GCC2: variants seen among roughly 807,000 people sequenced by gnomAD.
GCC2 encodes the protein GRIP and coiled-coil domain-containing protein 2.
GCC2 carries 120 observed loss-of-function variants against 210.6 expected under a neutral mutation model. That is an observed-to-expected ratio of 0.57 (90% CI 0.49 to 0.66). The LOEUF (loss-of-function observed/expected upper bound fraction) is 0.66. GCC2 is among the 30% of genes least tolerant of loss of function. The probability of loss-of-function intolerance (pLI) is 0.00; values close to 1 mark genes in which losing one functional copy is unlikely to be tolerated. For missense variants in GCC2, 1,868 were observed against 1,871.9 expected, an observed-to-expected ratio of 1.00 and a Z score of 0.04; for synonymous variants, 703 against 652.7, an observed-to-expected ratio of 1.08 and a Z score of -1.17.
chr2:108,482,971 C>T (rs1438986204), intron 11 of GCC2, 91 bp from the exon 12 acceptor site: 9 of 704,696 alleles, frequency 1.3e-5, no homozygotes, highest in African/African-American at 3.6e-5. Context: ...TGAGACACCA[C>T]GCCCGGCCGT....
At position 108,475,765 on chromosome 2, in the gene GCC2, A is replaced by G. The variant is rs369476264; in HGVS notation, c.2975A>G (p.Lys992Arg). Residue 992 changes from lysine to arginine, a missense_variant, in exon 9 of 23, where the codon AAG becomes AGG. Physicochemically the swap from Lys to Arg is conservative, Grantham distance 26. Transcript: ENST00000309863. ...TGTTTAAAACAGACCCAGACTGTGA[A>G]GGAAGAACTTGAATCTCTTCGATCA... is the stretch of plus-strand genomic sequence containing the variant. The part of the protein sequence containing the change: ...DSSRKETQTV[K>R]EELESLRSEK... 6.2e-7 allele frequency: 1 copy of G among 1,602,458 alleles called. No homozygotes were observed. The highest frequency in any genetic ancestry group is 8.5e-7 in the Non-Finnish European group (1 of 1,174,090).
intron 9 of GCC2, among the ~76,000 whole-genome samples, chr2:108,478,880 A>T (rs943525898): frequency 6.6e-6 from 1 of 152,234 alleles, no homozygotes; most frequent in African/African-American, 2.4e-5. Context: ...CCCTAATGAT[A>T]CCTCAACCCT....
chr2:108,463,745 G>T lies in GCC2; in HGVS notation c.217-5235G>T, dbSNP rs528731482. Reference sequence around the variant, plus strand: ...GTTGGGTGGGTTCTTGAGCCCCTGGGCAGTGGATGTAGCATGGGAAATGGC... The same window carrying T: ...GTTGGGTGGGTTCTTGAGCCCCTGGTCAGTGGATGTAGCATGGGAAATGGC... On this transcript the variant is annotated intron_variant, in intron 4 of 22. Coordinates refer to ENST00000309863, the MANE Select transcript of GCC2 (RefSeq NM_181453.4). Among the ~76,000 whole-genome samples, 212 of 152,284 alleles carry T rather than the reference G, an allele frequency of 1.4e-3. 1 individual carries two copies. Among genetic ancestry groups the T allele is most frequent in the African/African-American group, 5.0e-3 (207 of 41,558 alleles).
chr2:108,489,084 A>G (rs1186533851), intron 17 of GCC2, among the ~76,000 whole-genome samples: 1 of 152,220 alleles, frequency 6.6e-6, no homozygotes, highest in Non-Finnish European at 1.5e-5. Flanking sequence ...AGTGTATTGT[A>G]CTCATTGTGG....
chr2:108,470,573 T>C lies in GCC2; in HGVS notation c.1244T>C (p.Phe415Ser). The C allele has an allele frequency of 6.2e-7, 1 of 1,607,390 alleles. No homozygotes were observed. The highest frequency in any genetic ancestry group is 8.5e-7 in the Non-Finnish European group (1 of 1,176,874). Residue 415 changes from phenylalanine (F) to serine (S), a missense_variant, in exon 6 of 23, where the codon TTT (phenylalanine) becomes TCT (serine). Physicochemically the swap from Phe to Ser is radical, Grantham distance 155. Coordinates refer to ENST00000309863, the MANE Select transcript of GCC2 (RefSeq NM_181453.4). ...KSELAGLNKQ[F>S]CYTVEQHNRE... ...GAGCTAGCAGGTTTAAATAAACAGTTTTGCTATACTGTAGAACAGCATAAC... is the reference window on the plus strand; with the variant it reads ...GAGCTAGCAGGTTTAAATAAACAGTCTTGCTATACTGTAGAACAGCATAAC...
chr2:108,479,258 A>T (rs957828898), intron 9 of GCC2, among the ~76,000 whole-genome samples: 1 of 152,216 alleles, frequency 6.6e-6, no homozygotes, highest in African/African-American at 2.4e-5. Flanking sequence ...CAAAATTCAG[A>T]TTGTAACAGT....
chr2:108,453,641 T>G (rs1427253072), intron 4 of GCC2, among the ~76,000 whole-genome samples: 1 of 152,010 alleles, frequency 6.6e-6, no homozygotes, highest in African/African-American at 2.4e-5. Flanking sequence ...AACATTTAGC[T>G]GGGCGTGATT....
At chr2:108,473,886 G>T (rs115595579) in intron 7 of GCC2, among the ~76,000 whole-genome samples, 1,915 of 152,242 alleles carry the variant, frequency 0.013, 23 homozygotes, top group Non-Finnish European at 0.016. Flanking sequence ...GAGTGCGGTG[G>T]CTCACGCCTA....
intron 4 of GCC2, among the ~76,000 whole-genome samples, chr2:108,465,309 T>C (rs148671200): frequency 6.6e-6 from 1 of 152,354 alleles, no homozygotes; most frequent in Admixed American, 6.5e-5. Context: ...AGCCACCTTT[T>C]GAAGCCCTCT....
chr2:108,456,688 A>G lies in GCC2; in HGVS notation c.216+4222A>G, dbSNP rs1274919040. Among the ~76,000 whole-genome samples the G allele has an allele frequency of 1.4e-4, 21 of 152,096 alleles. 1 individual carries two copies. ...TTCTTTTGCTATGCAGAAGCTTTTT[A>G]GCCTATAATCTCAGCATTAAGGGAA... On this transcript the variant is annotated intron_variant, in intron 4 of 22. Transcript: ENST00000309863.
At chr2:108,462,295 A>T (rs997876294) in intron 4 of GCC2, among the ~76,000 whole-genome samples, 1 of 145,930 alleles carries the variant, frequency 6.9e-6, no homozygotes, top group Non-Finnish European at 1.5e-5. Context: ...GATCGACACC[A>T]CCCTGGCTAA....
rs1345643636 is a variant in GCC2, at chr2:108,452,378, CT to C, written c.149-18del. On this transcript the variant is annotated intron_variant, in intron 3 of 22. Transcript: ENST00000309863. ...TGTTCTTTATTTCTGAACCGGAGTC[CT>C]TTATTTTTTAATTGTTTAGAATTGG... 5.4e-6 allele frequency: 7 copies of C among 1,298,790 alleles called. No homozygotes were observed. In the African/African-American group the frequency reaches 7.3e-5, roughly 14 times the overall value. 80.5% of individuals were successfully genotyped at this position (1,298,790 alleles called of 1,614,324 possible). A position where few individuals can be genotyped will look rare whatever the true frequency, so the allele number is the denominator to read the frequency against.
Position 108,489,988 on chromosome 2 carries a change from G to T in GCC2, c.4203G>T (p.Val1401=), listed in dbSNP as rs1213272486. 2.5e-6 allele frequency: 4 copies of T among 1,605,278 alleles called. No individual in the cohort carries two copies. Among genetic ancestry groups the T allele is most frequent in the African/African-American group, 2.7e-5 (2 of 74,672 alleles). ...ERHNKMLQET[V]SKEAELREKL... is the part of the protein sequence containing the mutation. ...ACAACAAGATGCTGCAGGAAACTGTGTCCAAAGAGGCGGAACTCCGGGAAA... is the reference window on the plus strand; with the variant it reads ...ACAACAAGATGCTGCAGGAAACTGTTTCCAAAGAGGCGGAACTCCGGGAAA... Residue 1401 remains valine (V), a synonymous_variant, in exon 18 of 23, where the codon GTG becomes GTT. Coordinates refer to ENST00000309863, the MANE Select transcript of GCC2 (RefSeq NM_181453.4).
chr2:108,487,370 G>T (rs1314078689), intron 16 of GCC2, among the ~76,000 whole-genome samples: 1 of 152,092 alleles, frequency 6.6e-6, no homozygotes, highest in Non-Finnish European at 1.5e-5. Flanking sequence ...AAAAGTGTAA[G>T]GCCTCCCAAC....
At chr2:108,460,224 T>A (rs895677107) in intron 4 of GCC2, among the ~76,000 whole-genome samples, 3 of 152,226 alleles carry the variant, frequency 2.0e-5, no homozygotes, top group African/African-American at 7.2e-5. Context: ...TCTTTTTCCA[T>A]GCTTTAACTT....
At chr2:108,490,715 C>G (rs992434617) in intron 18 of GCC2, among the ~76,000 whole-genome samples, 1 of 152,084 alleles carries the variant, frequency 6.6e-6, no homozygotes, top group Non-Finnish European at 1.5e-5. Flanking sequence ...ATCATGTAAA[C>G]CAAAAGTTTC....
chr2:108,473,711 T>C (rs540962953), intron 7 of GCC2, among the ~76,000 whole-genome samples: 2 of 152,248 alleles, frequency 1.3e-5, no homozygotes, highest in South Asian at 2.1e-4. Flanking sequence ...TTGTCTATAA[T>C]GGGTGATTGG....
chr2:108,449,463 T>C (rs3820957), intron 1 of GCC2, among the ~76,000 whole-genome samples, 170 bp from the exon 2 acceptor site: 55,379 of 152,040 alleles, frequency 0.36, 11,860 homozygotes, highest in East Asian at 0.88. Flanking sequence ...TAGAGCCCGT[T>C]TGTGTACGAA....
Position 108,489,866 on chromosome 2 carries a change from C to A in GCC2, c.4081C>A (p.Leu1361Ile). 6.2e-7 allele frequency: 1 copy of A among 1,604,346 alleles called. No homozygotes were observed. Among genetic ancestry groups the A allele is most frequent in the Non-Finnish European group, 8.5e-7 (1 of 1,176,418 alleles). ...ACATCTGGAAATGCTGATTGACCAG[C>A]TAAAAATCAAATTACAAGATAGCCA... ...REHLEMLIDQ[L>I]KIKLQDSQNN... The change falls in exon 18 of 23, where the codon CTA becomes ATA. Residue 1361 changes from leucine to isoleucine, a missense_variant. Around this residue, in one of 3 missense-constraint regions of GCC2, gnomAD observed 1,847 missense variants for 1,765.2 expected, o/e 1.05. Transcript: ENST00000309863.
Sources: gnomAD v4.1 joint callset for allele counts (sites outside exome capture counted in the v4.1 genomes callset) on GRCh38, gnomAD v4.1.1 for gene constraint, gnomAD v4.1.1 regional missense constraint, MANE v1.5 for transcripts, NCBI Gene and HGNC (gene_info 2026-07-23, HGNC 2026-07-21) for gene names.